MCMBP: variants seen among roughly 807,000 people sequenced by gnomAD.
The protein encoded by MCMBP is minichromosome maintenance complex binding protein, also known as mini-chromosome maintenance complex-binding protein.
MCMBP carries 31 observed loss-of-function variants against 81.3 expected under a neutral mutation model. The observed-to-expected ratio is 0.38, with a 90% CI of 0.29 to 0.51. MCMBP has a LOEUF of 0.51. Among genes scored for constraint, MCMBP ranks in the 20% least tolerant of loss-of-function variants. The pLI, the probability that MCMBP is intolerant of heterozygous loss-of-function variation, is 0.87. For synonymous variants in MCMBP, 267 were observed against 275.9 expected (o/e 0.97, Z 0.32); for missense variants, 645 against 772.1 (o/e 0.84, Z 1.95).
At chr10:119,837,152 T>C in intron 12 of MCMBP, 123 bp from the exon 13 acceptor site, 1 of 959,030 alleles carries the variant, frequency 1.0e-6, no homozygotes, top group South Asian at 1.8e-5. Context: ...TGAGGCGCTG[T>C]CCAGTTTACT....
Position 119,834,150 on chromosome 10 carries a change from A to C in MCMBP, c.1707+1390T>G, listed in dbSNP as rs149412894. Among the ~76,000 whole-genome samples, 226 of 152,332 alleles carry C rather than the reference A, an allele frequency of 1.5e-3. 2 individuals carry two copies. The highest frequency in any genetic ancestry group is 5.3e-3 in the African/African-American group (220 of 41,564). ...AGTGGTAGTGTCAGAAGGAGAGCAGAGAGAAATGAGGCAGAAAGAAACATG... is the reference window on the plus strand; with the variant it reads ...AGTGGTAGTGTCAGAAGGAGAGCAGCGAGAAATGAGGCAGAAAGAAACATG... On this transcript the variant is annotated intron_variant, in intron 14 of 15. Coordinates refer to ENST00000369077, the MANE Select transcript of MCMBP (RefSeq NM_001256378.2).
At chr10:119,841,873 G>A (rs546505779) in intron 10 of MCMBP, among the ~76,000 whole-genome samples, 1 of 152,322 alleles carries the variant, frequency 6.6e-6, no homozygotes, top group East Asian at 1.9e-4. Flanking sequence ...AATGCAAAAG[G>A]GATAAAACAG....
intron 1 of MCMBP, among the ~76,000 whole-genome samples, chr10:119,866,470 A>G (rs559227816): frequency 3.9e-5 from 6 of 152,314 alleles, no homozygotes; most frequent in Admixed American, 3.9e-4. Context: ...TACTAAAAAT[A>G]CAAAAATTAG....
At chr10:119,862,652 T>C (rs1853302697) in intron 1 of MCMBP, among the ~76,000 whole-genome samples, 1 of 152,202 alleles carries the variant, frequency 6.6e-6, no homozygotes, top group Non-Finnish European at 1.5e-5. Flanking sequence ...ATAAAACACG[T>C]GTCTGCAGGT....
chr10:119,841,885 T>C (rs1852446004), intron 10 of MCMBP, among the ~76,000 whole-genome samples: 2 of 152,120 alleles, frequency 1.3e-5, no homozygotes, highest in Admixed American at 6.5e-5. Context: ...ATAAAACAGC[T>C]CATTTTACTC....
At chr10:119,858,253 C>T (rs1454282955) in intron 4 of MCMBP, 1 of 152,128 alleles carries the variant, frequency 6.6e-6, no homozygotes, top group Non-Finnish European at 1.5e-5. Context: ...CAAAGGCTAA[C>T]AGAGAGTTGG....
At position 119,872,639 on chromosome 10, in the gene MCMBP, C is replaced by A. The variant is rs1265363517; in HGVS notation, c.-55G>T. On this transcript the variant is annotated 5_prime_UTR_variant, in exon 1 of 16. Coordinates refer to ENST00000369077, the MANE Select transcript of MCMBP (RefSeq NM_001256378.2). The stretch of plus-strand genomic sequence containing the variant: ...GGGCGGAGGCGATCCGCGGGCCGAG[C>A]GCGGCCGGGCGGCCGGCGCCCAGCT... The A allele has an allele frequency of 1.9e-6, 2 of 1,034,960 alleles. No individual in the cohort carries two copies. Among genetic ancestry groups the A allele is most frequent in the African/African-American group, 1.7e-5 (1 of 58,656 alleles). The allele number at this position is 1,034,960 out of a possible 1,614,324, so 64.1% of individuals were successfully genotyped here. A position where few individuals can be genotyped will look rare whatever the true frequency, so the allele number is the denominator to read the frequency against.
chr10:119,866,431 G>C (rs1431561100), intron 1 of MCMBP, among the ~76,000 whole-genome samples: 2 of 152,180 alleles, frequency 1.3e-5, no homozygotes, highest in African/African-American at 4.8e-5. Context: ...TTCAAGAGCA[G>C]CCTGACCAAC....
intron 6 of MCMBP, among the ~76,000 whole-genome samples, chr10:119,850,391 G>C (rs1852768624): frequency 6.6e-6 from 1 of 152,076 alleles, no homozygotes; most frequent in African/African-American, 2.4e-5. Flanking sequence ...TGAGAGATCT[G>C]GGTAATGAAA....
At chr10:119,833,733 T>G (rs1176559974) in intron 14 of MCMBP, among the ~76,000 whole-genome samples, 1 of 152,060 alleles carries the variant, frequency 6.6e-6, no homozygotes, top group Non-Finnish European at 1.5e-5. Flanking sequence ...TGGCTCACAC[T>G]TTGGGGATAA....
At chr10:119,873,315 T>G (rs952090120), upstream of MCMBP, 1 of 152,160 alleles carries the variant, frequency 6.6e-6, no homozygotes, top group Non-Finnish European at 1.5e-5. Flanking sequence ...GACTTTTCCC[T>G]CAGCTGCACA....
intron 5 of MCMBP, 51 bp downstream of exon 5, chr10:119,857,287 C>A (rs1311499427): frequency 7.7e-7 from 1 of 1,299,566 alleles, no homozygotes; most frequent in Non-Finnish European, 1.1e-6. Flanking sequence ...TAATTAAAGG[C>A]TAAGTTTTTA....
intron 1 of MCMBP, among the ~76,000 whole-genome samples, 166 bp downstream of exon 1, chr10:119,872,361 G>C (rs886695183): frequency 3.3e-5 from 5 of 151,952 alleles, no homozygotes; most frequent in African/African-American, 9.7e-5. Flanking sequence ...TGCTGCGACC[G>C]GGGGAGAGGC....
At chr10:119,849,753 A>G (rs1852742546) in intron 6 of MCMBP, among the ~76,000 whole-genome samples, 177 bp from the exon 7 acceptor site, 1 of 152,230 alleles carries the variant, frequency 6.6e-6, no homozygotes, top group Non-Finnish European at 1.5e-5. Flanking sequence ...TTTGATCTGT[A>G]AGAGGACAAA....
Position 119,849,521 on chromosome 10 carries a change from A to G in MCMBP, c.630T>C (p.Ala210=). The G allele has an allele frequency of 6.2e-7, 1 of 1,608,782 alleles. No individual in the cohort carries two copies. The highest frequency in any genetic ancestry group is 1.1e-5 in the South Asian group (1 of 90,048). ...CGEPKRLETE[A]STGQQLNSLN... ...GAGAGTTCAGCTGTTGCCCAGTAGA[A>G]GCTTCAGTTTCTAAACGTTTTGGCT... Residue 210 remains alanine, a synonymous_variant, in exon 7 of 16, where the codon GCT becomes GCC. Transcript: ENST00000369077.
rs370813235 is a variant in MCMBP, at chr10:119,831,469, C to G, written c.*5G>C. 54 of 1,613,574 alleles carry G rather than the reference C, an allele frequency of 3.3e-5. No individual in the cohort carries two copies. The highest frequency in any genetic ancestry group is 4.6e-5 in the Non-Finnish European group (54 of 1,179,780). Reference sequence around the variant, plus strand: ...TGCCCATTACTCTTCATAGGTATTACATCTTTAAAGTTCATTTCCATTCAC... The same window carrying G: ...TGCCCATTACTCTTCATAGGTATTAGATCTTTAAAGTTCATTTCCATTCAC... On this transcript the variant is annotated 3_prime_UTR_variant, in exon 16 of 16. Coordinates refer to ENST00000369077, the MANE Select transcript of MCMBP (RefSeq NM_001256378.2).
rs928063913 is a variant in MCMBP at position 119,872,335 on chromosome 10, G to A, written c.58+192C>T. Among the ~76,000 whole-genome samples, 4 of 151,966 alleles carry A rather than the reference G, an allele frequency of 2.6e-5. No individual in the cohort carries two copies. In the East Asian group the frequency reaches 7.8e-4, roughly 30 times the overall value. ...GGCAGGTGGGAGGTACCTGCGGCCC[G>A]GCTCCTGCCCCTGCCTGCTGCGACC... On this transcript the variant is annotated intron_variant, in intron 1 of 15. Coordinates refer to ENST00000369077, the MANE Select transcript of MCMBP (RefSeq NM_001256378.2).
At chr10:119,872,308 C>A (rs958387475) in intron 1 of MCMBP, among the ~76,000 whole-genome samples, 9 of 151,944 alleles carry the variant, frequency 5.9e-5, no homozygotes, top group African/African-American at 2.2e-4. Context: ...AGCTGCGACT[C>A]GGGCAGGTGG....
chr10:119,831,489 A>C lies in MCMBP; in HGVS notation c.1908T>G (p.Asn636Lys). Residue 636 changes from asparagine to lysine, a missense_variant, in exon 16 of 16, where the codon AAT becomes AAG. Asn to Lys is a moderately conservative substitution (Grantham distance 94). Coordinates refer to ENST00000369077, the MANE Select transcript of MCMBP (RefSeq NM_001256378.2). ...TATTACATCTTTAAAGTTCATTTCC[A>C]TTCACACATTTTTGCTGCTGAAGCC... ...RTRLQQQKCVNGNEL is the reference protein window; with the variant it reads ...RTRLQQQKCVKGNEL 6.2e-7 allele frequency: 1 copy of C among 1,613,912 alleles called. No individual in the cohort carries two copies.
Sources: gnomAD v4.1 joint callset for allele counts (sites outside exome capture counted in the v4.1 genomes callset) on GRCh38, gnomAD v4.1.1 for gene constraint, MANE v1.5 for transcripts, NCBI Gene and HGNC (gene_info 2026-07-23, HGNC 2026-07-21) for gene names.